The following ADAMTSL3 variants were observed in gnomAD, a reference collection of about 807,000 sequenced individuals.
The protein encoded by ADAMTSL3 is ADAMTS like 3, also known as ADAMTS-like protein 3.
In ADAMTSL3, 128 loss-of-function variants were observed where a neutral mutation model predicts 201.7. The ratio of observed to expected loss-of-function variants is 0.63; its 90% CI spans 0.55 to 0.73. The LOEUF (loss-of-function observed/expected upper bound fraction) is 0.73. ADAMTSL3 is among the 30% of genes least tolerant of loss of function. The pLI is 0.00. For missense variants in ADAMTSL3, 1,990 were observed against 2,119.6 expected (o/e 0.94, Z 1.20); for synonymous variants, 738 against 748.4 (o/e 0.99, Z 0.23).
intron 2 of ADAMTSL3, among the ~76,000 whole-genome samples, chr15:83,673,033 G>A (rs2061348236): frequency 6.6e-6 from 1 of 152,230 alleles, no homozygotes; most frequent in African/African-American, 2.4e-5. Flanking sequence ...GGATGCATTA[G>A]CAGCTTCCAT....
intron 8 of ADAMTSL3, among the ~76,000 whole-genome samples, chr15:83,865,546 A>T (rs1309510544): frequency 6.6e-6 from 1 of 152,200 alleles, no homozygotes; most frequent in Non-Finnish European, 1.5e-5. Flanking sequence ...GTGCTGGGAA[A>T]ACTGGCTAGC....
chr15:83,831,569 C>T (rs1217342836), intron 6 of ADAMTSL3, among the ~76,000 whole-genome samples: 1 of 152,216 alleles, frequency 6.6e-6, no homozygotes, highest in African/African-American at 2.4e-5. Flanking sequence ...GTCTCTCTCA[C>T]CCAGGCTGGA....
chr15:83,881,077 T>A (rs142382387), intron 9 of ADAMTSL3, among the ~76,000 whole-genome samples: 1 of 152,344 alleles, frequency 6.6e-6, no homozygotes, highest in Non-Finnish European at 1.5e-5. Context: ...TATTATCGGA[T>A]TATTTTTGCT....
At chr15:83,733,968 G>A (rs1454249931) in intron 3 of ADAMTSL3, among the ~76,000 whole-genome samples, 2 of 152,130 alleles carry the variant, frequency 1.3e-5, no homozygotes, top group Non-Finnish European at 2.9e-5. Flanking sequence ...AATAGACAAT[G>A]CAGGCGGACA....
intron 10 of ADAMTSL3, among the ~76,000 whole-genome samples, chr15:83,887,322 TTAAA>T (rs2141876574): frequency 6.6e-6 from 1 of 152,310 alleles, no homozygotes; most frequent in South Asian, 2.1e-4. Context: ...TTTATTCAAC[TTAAA>T]TAAACATATT....
intron 6 of ADAMTSL3, among the ~76,000 whole-genome samples, chr15:83,828,700 C>G (rs1373129311): frequency 2.0e-5 from 3 of 152,110 alleles, no homozygotes; most frequent in Non-Finnish European, 4.4e-5. Flanking sequence ...AAATACATCC[C>G]ATCAATACCT....
chr15:83,962,886 G>T (rs1241494269), intron 19 of ADAMTSL3, among the ~76,000 whole-genome samples: 1 of 152,198 alleles, frequency 6.6e-6, no homozygotes. Context: ...GCATGGTGGG[G>T]TGTCTCCTTA....
At chr15:84,032,779 A>T (rs1332350227) in intron 28 of ADAMTSL3, among the ~76,000 whole-genome samples, 1 of 152,150 alleles carries the variant, frequency 6.6e-6, no homozygotes, top group Non-Finnish European at 1.5e-5. Flanking sequence ...ACTTTTTGCT[A>T]TTATAAACTA....
chr15:84,025,218 C>T lies in ADAMTSL3; in HGVS notation c.4458-20C>T. 2 of 1,572,192 alleles carry T rather than the reference C, an allele frequency of 1.3e-6. No homozygotes were observed. Among genetic ancestry groups the T allele is most frequent in the South Asian group, 1.2e-5 (1 of 82,264 alleles). On this transcript the variant is annotated intron_variant, in intron 26 of 29. Coordinates refer to ENST00000286744, the MANE Select transcript of ADAMTSL3 (RefSeq NM_207517.3). ...CTGGCATACCAGTCCTTACTAAAGTCCTGTAGTTTTTGTTCCTAGGTGGTT... is the reference window on the plus strand; with the variant it reads ...CTGGCATACCAGTCCTTACTAAAGTTCTGTAGTTTTTGTTCCTAGGTGGTT...
intron 20 of ADAMTSL3, among the ~76,000 whole-genome samples, chr15:83,978,282 G>A (rs2067321639): frequency 1.3e-5 from 2 of 152,184 alleles, no homozygotes; most frequent in African/African-American, 4.8e-5. Context: ...CCCAGAACTG[G>A]CCTTGACTGG....
intron 27 of ADAMTSL3, among the ~76,000 whole-genome samples, chr15:84,027,362 C>A (rs1369897271): frequency 6.6e-6 from 1 of 152,182 alleles, no homozygotes; most frequent in Non-Finnish European, 1.5e-5. Context: ...CCCAGAAATT[C>A]CACCCCTAGG....
intron 3 of ADAMTSL3, among the ~76,000 whole-genome samples, chr15:83,769,576 T>C (rs1199954137): frequency 6.6e-6 from 1 of 152,198 alleles, no homozygotes; most frequent in African/African-American, 2.4e-5. Context: ...ATTTATCCTT[T>C]CCTTTCACTT....
chr15:83,903,917 C>CAAACAAA (rs2065777016), intron 15 of ADAMTSL3, among the ~76,000 whole-genome samples: 1 of 19,274 alleles, frequency 5.2e-5, no homozygotes, highest in Non-Finnish European at 7.3e-5. Flanking sequence ...GACTCCACAT[C>CAAACAAA]AAAAAAAAAA....
chr15:83,920,817 G>T (rs533599100), intron 16 of ADAMTSL3, among the ~76,000 whole-genome samples: 1 of 152,178 alleles, frequency 6.6e-6, no homozygotes, highest in Admixed American at 6.5e-5. Context: ...TTATATCATA[G>T]AAATCATCTG....
At chr15:83,877,575 T>A (rs2065199733) in intron 9 of ADAMTSL3, among the ~76,000 whole-genome samples, 1 of 152,210 alleles carries the variant, frequency 6.6e-6, no homozygotes, top group Non-Finnish European at 1.5e-5. Context: ...TATCTTTGCT[T>A]TTCTTGACAC....
chr15:83,933,991 G>T (rs754913942), intron 17 of ADAMTSL3, among the ~76,000 whole-genome samples: 4 of 152,176 alleles, frequency 2.6e-5, no homozygotes, highest in Non-Finnish European at 5.9e-5. Flanking sequence ...ACCTCTGCTG[G>T]GGCAATACAG....
At chr15:83,921,665 T>C (rs1330036864) in intron 16 of ADAMTSL3, among the ~76,000 whole-genome samples, 1 of 152,296 alleles carries the variant, frequency 6.6e-6, no homozygotes, top group African/African-American at 2.4e-5. Context: ...AAATATTAAT[T>C]TATTTCTTGA....
chr15:83,937,133 G>C (rs371137723), intron 17 of ADAMTSL3, among the ~76,000 whole-genome samples: 1 of 150,660 alleles, frequency 6.6e-6, no homozygotes, highest in Non-Finnish European at 1.5e-5. Flanking sequence ...AAAAATTACC[G>C]TTTGACCCAG....
chr15:83,835,696 A>G (rs1334995962), intron 6 of ADAMTSL3, among the ~76,000 whole-genome samples: 1 of 152,206 alleles, frequency 6.6e-6, no homozygotes, highest in Non-Finnish European at 1.5e-5. Flanking sequence ...AGTTGCATGA[A>G]CACAAGTTAC....
Sources: allele counts gnomAD v4.1 joint callset (sites outside exome capture counted in the v4.1 genomes callset), GRCh38; gene constraint gnomAD v4.1.1; transcripts MANE v1.5; gene names NCBI Gene and HGNC (gene_info 2026-07-23, HGNC 2026-07-21).